WDFY3: variants seen among roughly 807,000 people sequenced by gnomAD.
WDFY3 encodes WD repeat and FYVE domain-containing protein 3.
Under a neutral mutation model 409.6 loss-of-function variants are expected in WDFY3, and 66 were observed. That is an observed-to-expected ratio of 0.16 (90% CI 0.13 to 0.20). The LOEUF is 0.20. Ranked by LOEUF, WDFY3 falls within the 10% of genes least tolerant of loss-of-function variation. WDFY3 has a pLI of 1.00. For missense variants in WDFY3, 3,031 were observed against 4,298.1 expected, an observed-to-expected ratio of 0.71 and a Z score of 8.24; for synonymous variants, 1,521 against 1,537.1, an observed-to-expected ratio of 0.99 and a Z score of 0.25.
At chr4:84,823,716 C>A (rs530909190) in intron 10 of WDFY3, among the ~76,000 whole-genome samples, 1 of 152,060 alleles carries the variant, frequency 6.6e-6, no homozygotes, top group Non-Finnish European at 1.5e-5. Flanking sequence ...ATTAAAATAA[C>A]AATTAGACAT....
chr4:84,966,000 C>G (rs1775659231), intron 1 of WDFY3: 1 of 152,806 alleles, frequency 6.5e-6, no homozygotes, highest in East Asian at 1.9e-4. Context: ...CCAGGCCGCC[C>G]ACCCTGGCGG....
At chr4:84,765,704 T>G in intron 32 of WDFY3, 106 bp downstream of exon 32, 1 of 819,550 alleles carries the variant, frequency 1.2e-6, no homozygotes, top group Non-Finnish European at 1.8e-6. Flanking sequence ...AAAATTAATA[T>G]CTCCTTAATG....
chr4:84,800,862 G>T (rs1219019603), intron 17 of WDFY3, among the ~76,000 whole-genome samples: 2 of 152,146 alleles, frequency 1.3e-5, no homozygotes, highest in Non-Finnish European at 2.9e-5. Context: ...GATTTGACAG[G>T]AGGCAGAGCA....
intron 16 of WDFY3, among the ~76,000 whole-genome samples, chr4:84,802,856 T>C (rs540837119): frequency 6.6e-6 from 1 of 152,322 alleles, no homozygotes; most frequent in African/African-American, 2.4e-5. Flanking sequence ...CTGTGACACT[T>C]TAGGCCTTAG....
At chr4:84,741,180 C>T (rs1738344939) in intron 38 of WDFY3, among the ~76,000 whole-genome samples, 1 of 152,088 alleles carries the variant, frequency 6.6e-6, no homozygotes, top group Admixed American at 6.6e-5. Context: ...ACAAACCTAC[C>T]AAACTGTATT....
chr4:84,856,222 G>A, intron 4 of WDFY3, among the ~76,000 whole-genome samples: 1 of 152,148 alleles, frequency 6.6e-6, no homozygotes. Flanking sequence ...ATTAAAAAAG[G>A]ACACTGTATT....
At chr4:84,754,736 A>G (rs559483898) in intron 34 of WDFY3, among the ~76,000 whole-genome samples, 9 of 152,308 alleles carry the variant, frequency 5.9e-5, no homozygotes, top group Admixed American at 5.9e-4. Context: ...TGAAACTTGT[A>G]TTGTTAACAT....
At chr4:84,820,972 T>A in intron 11 of WDFY3, 112 bp downstream of exon 11, 2 of 1,059,380 alleles carry the variant, frequency 1.9e-6, no homozygotes, top group South Asian at 3.5e-5. Flanking sequence ...GTCACAATAA[T>A]GCACATTAGG....
At chr4:84,739,336 A>C in intron 39 of WDFY3, 1 of 484,660 alleles carries the variant, frequency 2.1e-6, no homozygotes, top group Non-Finnish European at 3.7e-6. Flanking sequence ...TATAGCATCA[A>C]GATTATTACC....
At chr4:84,868,837 A>G (rs555112353) in intron 3 of WDFY3, among the ~76,000 whole-genome samples, 24 of 152,326 alleles carry the variant, frequency 1.6e-4, no homozygotes, top group African/African-American at 4.8e-4. Context: ...CAGTTAGGTT[A>G]CTTGGTATGA....
chr4:84,716,926 CT>C lies in WDFY3; in HGVS notation c.7844del (p.Lys2615ArgfsTer44). 6.2e-7 allele frequency: 1 copy of C among 1,604,736 alleles called. No individual in the cohort carries two copies. Among genetic ancestry groups the C allele is most frequent in the Non-Finnish European group, 8.5e-7 (1 of 1,175,162 alleles). ...GGAGATATCTCCTTTTATGAACTTCCTTGATATCTTCATATGCAAAAATGCT... is the reference window on the plus strand; with the variant it reads ...GGAGATATCTCCTTTTATGAACTTCCTGATATCTTCATATGCAAAAATGCT... ...TCSIFAYEDI[K>X]EVHKRRYLLQ... is the part of the protein sequence containing the mutation. On this transcript the variant is annotated frameshift_variant, in exon 49 of 68. Transcript: ENST00000295888. LOFTEE classifies it high-confidence loss of function.
intron 23 of WDFY3, among the ~76,000 whole-genome samples, chr4:84,787,091 A>C (rs1470967877): frequency 2.0e-5 from 3 of 152,134 alleles, no homozygotes; most frequent in Non-Finnish European, 2.9e-5. Flanking sequence ...AAGTGATCTC[A>C]TCTAGAGAAT....
At chr4:84,680,624 GT>G in intron 64 of WDFY3, among the ~76,000 whole-genome samples, 1 of 152,280 alleles carries the variant, frequency 6.6e-6, no homozygotes, top group Non-Finnish European at 1.5e-5. Context: ...ATTTCTGTGG[GT>G]TCCACATCCA....
chr4:84,676,207 G>C (rs1057300885), intron 67 of WDFY3, among the ~76,000 whole-genome samples: 1 of 151,430 alleles, frequency 6.6e-6, no homozygotes, highest in African/African-American at 2.4e-5. Flanking sequence ...ATATATAAAA[G>C]AACTCCTCAA....
At chr4:84,914,983 T>C (rs987375345) in intron 2 of WDFY3, among the ~76,000 whole-genome samples, 1 of 152,188 alleles carries the variant, frequency 6.6e-6, no homozygotes, top group African/African-American at 2.4e-5. Flanking sequence ...TACAATAGAT[T>C]ATTCTTCCAT....
chr4:84,801,521 C>T, intron 17 of WDFY3, 129 bp downstream of exon 17: 2 of 865,806 alleles, frequency 2.3e-6, no homozygotes, highest in Non-Finnish European at 3.4e-6. Flanking sequence ...AGTATTTTGT[C>T]CATTTTTGTT....
Position 84,860,540 on chromosome 4 carries a change from G to C in WDFY3, c.52C>G (p.Pro18Ala). 6.2e-7 allele frequency: 1 copy of C among 1,613,388 alleles called. No individual in the cohort carries two copies. The highest frequency in any genetic ancestry group is 8.5e-7 in the Non-Finnish European group (1 of 1,179,516). Residue 18 changes from proline to alanine, a missense_variant, in exon 4 of 68, where the codon CCA (proline) becomes GCA (alanine). Physicochemically the swap from Pro to Ala is conservative, Grantham distance 27. Coordinates refer to ENST00000295888, the MANE Select transcript of WDFY3 (RefSeq NM_014991.6). ...MGRPRQEECS[P>A]QDNALGLMHL... Reference sequence around the variant, plus strand: ...ATCAGTCCTAAGGCGTTGTCTTGTGGGCTGCACTCCTCCTGCCTCGGCCGC... The same window carrying C: ...ATCAGTCCTAAGGCGTTGTCTTGTGCGCTGCACTCCTCCTGCCTCGGCCGC...
In WDFY3 at chr4:84,721,526, T is replaced by C. The variant is rs1208349621; in HGVS notation, c.7488A>G (p.Gly2496=). ...PLKRSRSAPD[G]GDEENQEQLQ... is the part of the protein sequence containing the mutation. ...GCTGCTCCTGGTTCTCCTCATCTCC[T>C]CCATCAGGTGCAGATCGGGAGCGTT... is the stretch of plus-strand genomic sequence containing the variant. The change falls in exon 47 of 68, where the codon GGA becomes GGG. Residue 2496 remains glycine (G), a synonymous_variant. Coordinates refer to ENST00000295888, the MANE Select transcript of WDFY3 (RefSeq NM_014991.6). 1.2e-6 allele frequency: 2 copies of C among 1,611,358 alleles called. No homozygotes were observed. Among genetic ancestry groups the C allele is most frequent in the Non-Finnish European group, 8.5e-7 (1 of 1,180,016 alleles).
At chr4:84,675,430 G>C (rs572210205) in intron 67 of WDFY3, among the ~76,000 whole-genome samples, 1 of 152,300 alleles carries the variant, frequency 6.6e-6, no homozygotes, top group South Asian at 2.1e-4. Flanking sequence ...TGGAACACCT[G>C]TTTTGCCAGA....
Sources: gnomAD v4.1 joint callset for allele counts (sites outside exome capture counted in the v4.1 genomes callset) on GRCh38, gnomAD v4.1.1 for gene constraint, MANE v1.5 for transcripts, NCBI Gene and HGNC (gene_info 2026-07-23, HGNC 2026-07-21) for gene names.